The following ITGA2B variants were observed in gnomAD, a reference collection of about 807,000 sequenced individuals.
ITGA2B encodes the protein integrin subunit alpha 2b.
ITGA2B carries 91 observed loss-of-function variants against 142.0 expected under a neutral mutation model. The observed-to-expected ratio is 0.64, with a 90% CI of 0.54 to 0.76. ITGA2B has a LOEUF of 0.76. Among genes scored for constraint, ITGA2B ranks in the 30% least tolerant of loss-of-function variants. ITGA2B has a pLI of 0.00. For missense variants in ITGA2B, 1,231 were observed against 1,350.8 expected (o/e 0.91, Z 1.39); for synonymous variants, 536 against 567.2 (o/e 0.94, Z 0.78).
chr17:44,378,792 G>A, intron 18 of ITGA2B, 82 bp from the exon 19 acceptor site: 1 of 1,322,042 alleles, frequency 7.6e-7, no homozygotes, highest in South Asian at 1.3e-5. Context: ...AAAACAGTGG[G>A]CTTGGGGTTC....
intron 26 of ITGA2B, 63 bp downstream of exon 26, chr17:44,375,528 T>A: frequency 6.3e-7 from 1 of 1,591,476 alleles, no homozygotes; most frequent in Non-Finnish European, 8.6e-7. Flanking sequence ...CTCTCCCTCC[T>A]CCCATCCCCT....
chr17:44,385,473 G>C, intron 4 of ITGA2B, 78 bp downstream of exon 4: 2 of 1,525,302 alleles, frequency 1.3e-6, no homozygotes, highest in East Asian at 2.4e-5. Context: ...CAAGGGCTGC[G>C]GCGCTGGGGG....
intron 15 of ITGA2B, 36 bp from the exon 16 acceptor site, chr17:44,380,337 C>G: frequency 6.2e-7 from 1 of 1,614,200 alleles, no homozygotes; most frequent in Non-Finnish European, 8.5e-7. Context: ...GGGTTGGAGC[C>G]TTTCTGAGGT....
chr17:44,377,594 C>A (rs2048556265), intron 21 of ITGA2B, 104 bp downstream of exon 21: 1 of 842,908 alleles, frequency 1.2e-6, no homozygotes, highest in East Asian at 2.6e-5. Flanking sequence ...GTGTGAGGAC[C>A]AAGATTCTGG....
At chr17:44,387,398 C>T (rs1221097360) in intron 1 of ITGA2B, among the ~76,000 whole-genome samples, 2 of 152,042 alleles carry the variant, frequency 1.3e-5, no homozygotes, top group African/African-American at 4.8e-5. Context: ...TGGCATGCAC[C>T]TGTAATCCCA....
chr17:44,386,150 T>C lies in ITGA2B; in HGVS notation c.189-19A>G, dbSNP rs1338769104. The C allele has an allele frequency of 6.3e-7, 1 of 1,577,022 alleles. No individual in the cohort carries two copies. The highest frequency in any genetic ancestry group is 8.6e-7 in the Non-Finnish European group (1 of 1,164,690). On this transcript the variant is annotated intron_variant, in intron 1 of 29. Transcript: ENST00000262407. ...GGCCACTCTGCATAGGAAAGCTGGG[T>C]GAGCGCCGCGCAGATTCCAGCGTAT...
chr17:44,382,552 C>T (rs1952061154), intron 12 of ITGA2B, among the ~76,000 whole-genome samples: 1 of 151,898 alleles, frequency 6.6e-6, no homozygotes, highest in African/African-American at 2.4e-5. Context: ...CTCTGTCACC[C>T]AGGCTGGAGT....
Position 44,384,581 on chromosome 17 carries a change from G to A in ITGA2B, c.804C>T (p.Tyr268=), listed in dbSNP as rs539018660. The change falls in exon 8 of 30, where the codon TAC becomes TAT. Residue 268 remains tyrosine, a synonymous_variant. Coordinates refer to ENST00000262407, the MANE Select transcript of ITGA2B (RefSeq NM_000419.5). ...CGTCGAACTCGCCCACGGCCACCGA[G>A]TACCCTGAGGACAAGGGCGCAAATT... is the stretch of plus-strand genomic sequence containing the variant. ...NPEYFDGYWG[Y]SVAVGEFDGD... is the part of the protein sequence containing the mutation. The A allele has an allele frequency of 2.7e-5, 43 of 1,614,104 alleles. No individual in the cohort carries two copies. In the South Asian group the frequency reaches 4.2e-4, roughly 16 times the overall value.
At position 44,376,153 on chromosome 17, in the gene ITGA2B, C is replaced by A. The variant is rs2048541892; in HGVS notation, c.2380G>T (p.Ala794Ser). ...TTCTGCTCCCTCTCACCTTCTTCTG[C>A]TGCCACCACCAGGGAGGCTGGAAAG... ...NSFPASLVVA[A>S]EEGEREQNSL... Residue 794 changes from alanine to serine, a missense_variant, in exon 24 of 30, where the codon GCA (alanine) becomes TCA (serine). Around this residue, in one of 3 missense-constraint regions of ITGA2B, gnomAD observed 908 missense variants for 1,021.1 expected, o/e 0.89. Coordinates refer to ENST00000262407, the MANE Select transcript of ITGA2B (RefSeq NM_000419.5). The A allele has an allele frequency of 9.3e-6, 15 of 1,614,076 alleles. No homozygotes were observed. The highest frequency in any genetic ancestry group is 1.3e-5 in the African/African-American group (1 of 74,928).
Position 44,385,326 on chromosome 17 carries a change from T to C in ITGA2B, c.584A>G (p.Lys195Arg). 2 of 1,611,602 alleles carry C rather than the reference T, an allele frequency of 1.2e-6. No homozygotes were observed. Among genetic ancestry groups the C allele is most frequent in the Non-Finnish European group, 1.7e-6 (2 of 1,179,842 alleles). The change falls in exon 5 of 30, where the codon AAG becomes AGG. Residue 195 changes from lysine (K) to arginine (R), a missense_variant. Around this residue, in one of 3 missense-constraint regions of ITGA2B, gnomAD observed 318 missense variants for 312.2 expected, o/e 1.02. Coordinates refer to ENST00000262407, the MANE Select transcript of ITGA2B (RefSeq NM_000419.5). ...GCTGAAGCCCGCTTCACAGTAACGC[T>C]TGTCCCAGCCTGCAGGAGACAAGGA... The part of the protein sequence containing the change: ...IYVENDFSWD[K>R]RYCEAGFSSV...
chr17:44,377,930 C>G (rs2048559666), intron 20 of ITGA2B, 140 bp from the exon 21 acceptor site: 1 of 688,956 alleles, frequency 1.5e-6, no homozygotes. Flanking sequence ...GGGACTGTCA[C>G]ATGCTAGTGT....
At chr17:44,378,270 AGAG>A in intron 20 of ITGA2B, 89 bp downstream of exon 20, 1 of 1,459,046 alleles carries the variant, frequency 6.9e-7, no homozygotes, top group Non-Finnish European at 9.1e-7. Flanking sequence ...GCAAAGCAGA[AGAG>A]AAGAGGGACT....
At chr17:44,377,619 G>T in intron 21 of ITGA2B, 79 bp downstream of exon 21, 5 of 1,037,408 alleles carry the variant, frequency 4.8e-6, no homozygotes, top group Non-Finnish European at 4.5e-6. Context: ...GAACTATGTG[G>T]CTCTAAAACC....
intron 1 of ITGA2B, among the ~76,000 whole-genome samples, chr17:44,388,468 T>C (rs1451298512): frequency 6.6e-6 from 1 of 150,390 alleles, no homozygotes; most frequent in Non-Finnish European, 1.5e-5. Flanking sequence ...ACGATTCTCC[T>C]GCCTCAGCCT....
chr17:44,376,132 G>T lies in ITGA2B; in HGVS notation c.2401C>A (p.Gln801Lys), dbSNP rs1043685797. The change falls in exon 24 of 30, where the codon CAG becomes AAG. Residue 801 changes from glutamine (Q) to lysine (K), a missense_variant. Gln to Lys is a moderately conservative substitution (Grantham distance 53). Coordinates refer to ENST00000262407, the MANE Select transcript of ITGA2B (RefSeq NM_000419.5). Reference sequence around the variant, plus strand: ...GGTCCCCAGCTGTCCAAGCTGTTCTGCTCCCTCTCACCTTCTTCTGCTGCC... The same window carrying T: ...GGTCCCCAGCTGTCCAAGCTGTTCTTCTCCCTCTCACCTTCTTCTGCTGCC... ...VVAAEEGERE[Q>K]NSLDSWGPKV... 3.1e-6 allele frequency: 5 copies of T among 1,614,052 alleles called. No homozygotes were observed. The highest frequency in any genetic ancestry group is 4.2e-6 in the Non-Finnish European group (5 of 1,180,022).
Position 44,389,379 on chromosome 17 carries a change from AAGGCCC to A in ITGA2B, c.89_94del (p.Trp30_Ala31del). On this transcript the variant is annotated inframe_deletion, in exon 1 of 30. Transcript: ENST00000262407. ...GGTGAGCTGCACTGGGTCCAGGTTC[AAGGCCC>A]AGGCTGGAGGGGCAGCACAAGGTCC... is the stretch of plus-strand genomic sequence containing the variant. The A allele has an allele frequency of 6.2e-7, 1 of 1,614,184 alleles. No homozygotes were observed.
At position 44,385,322 on chromosome 17, in the gene ITGA2B, A is replaced by G. The variant is rs1255308679; in HGVS notation, c.588T>C (p.Arg196=). 6.2e-7 allele frequency: 1 copy of G among 1,611,834 alleles called. No homozygotes were observed. ...YVENDFSWDK[R]YCEAGFSSVV... is the part of the protein sequence containing the mutation. ...CGGAGCTGAAGCCCGCTTCACAGTA[A>G]CGCTTGTCCCAGCCTGCAGGAGACA... The change falls in exon 5 of 30, where the codon CGT becomes CGC. Residue 196 remains arginine (R), a synonymous_variant. Coordinates refer to ENST00000262407, the MANE Select transcript of ITGA2B (RefSeq NM_000419.5).
Position 44,384,148 on chromosome 17 carries a change from C to T in ITGA2B, c.892-10G>A. 1 of 1,612,942 alleles carries T rather than the reference C, an allele frequency of 6.2e-7. No individual in the cohort carries two copies. Among genetic ancestry groups the T allele is most frequent in the Non-Finnish European group, 8.5e-7 (1 of 1,179,650 alleles). On this transcript the variant is annotated splice_polypyrimidine_tract_variant and intron_variant, in intron 9 of 29. Transcript: ENST00000262407. Reference sequence around the variant, plus strand: ...AATCCAAAATTTCCACCTGCACGGACAGCGCAGGCGAGAGCATCATTCTTG... The same window carrying T: ...AATCCAAAATTTCCACCTGCACGGATAGCGCAGGCGAGAGCATCATTCTTG...
intron 20 of ITGA2B, 131 bp downstream of exon 20, chr17:44,378,228 TAAA>T: frequency 1.8e-6 from 2 of 1,119,578 alleles, no homozygotes; most frequent in Non-Finnish European, 2.4e-6. Flanking sequence ...TCCTCCAAAT[TAAA>T]AAAAAAATAA....
Sources: gnomAD v4.1 joint callset for allele counts (sites outside exome capture counted in the v4.1 genomes callset) on GRCh38, gnomAD v4.1.1 for gene constraint, gnomAD v4.1.1 regional missense constraint, MANE v1.5 for transcripts, NCBI Gene and HGNC (gene_info 2026-07-23, HGNC 2026-07-21) for gene names.